Variants in PRKAA1 observed in about 807,000 individuals in gnomAD.
The protein encoded by PRKAA1 is protein kinase AMP-activated catalytic subunit alpha 1, also known as 5'-AMP-activated protein kinase catalytic subunit alpha-1.
PRKAA1 carries 23 observed loss-of-function variants against 56.9 expected under a neutral mutation model. The observed-to-expected ratio is 0.40, with a 90% CI of 0.29 to 0.57. The LOEUF (loss-of-function observed/expected upper bound fraction) is 0.57. Ranked by LOEUF, PRKAA1 falls within the 20% of genes least tolerant of loss-of-function variation. The pLI is 0.39. For missense variants in PRKAA1, 413 were observed against 679.7 expected, an observed-to-expected ratio of 0.61 and a Z score of 4.36; for synonymous variants, 226 against 227.0, an observed-to-expected ratio of 1.00 and a Z score of 0.04.
At chr5:40,789,958 C>G (rs879737819) in intron 1 of PRKAA1, 1 of 152,048 alleles carries the variant, frequency 6.6e-6, no homozygotes, top group Non-Finnish European at 1.5e-5. Context: ...GTAGGAATGG[C>G]CTTCATTGGT....
chr5:40,772,572 A>G (rs1192102415), intron 3 of PRKAA1, among the ~76,000 whole-genome samples: 1 of 151,762 alleles, frequency 6.6e-6, no homozygotes, highest in Non-Finnish European at 1.5e-5. Context: ...TAAAAAAAAA[A>G]TCTTACATAG....
chr5:40,786,565 A>G (rs1744494006), intron 1 of PRKAA1, among the ~76,000 whole-genome samples: 1 of 151,828 alleles, frequency 6.6e-6, no homozygotes, highest in Admixed American at 6.6e-5. Context: ...ACCACAGGCT[A>G]CATCAAGCAG....
chr5:40,792,777 C>T (rs1167220683), intron 1 of PRKAA1, among the ~76,000 whole-genome samples: 1 of 151,986 alleles, frequency 6.6e-6, no homozygotes, highest in African/African-American at 2.4e-5. Context: ...TACTTACGAA[C>T]TTAGGCCAAG....
intron 2 of PRKAA1, 111 bp from the exon 3 acceptor site, chr5:40,775,614 A>T: frequency 1.3e-6 from 1 of 763,094 alleles, no homozygotes; most frequent in East Asian, 2.8e-5. Flanking sequence ...GAGCTAGAAA[A>T]ACTGCAGGAA....
intron 6 of PRKAA1, among the ~76,000 whole-genome samples, chr5:40,765,796 G>A (rs1377047700): frequency 6.6e-6 from 1 of 152,014 alleles, no homozygotes; most frequent in Admixed American, 6.6e-5. Flanking sequence ...AAGACAGTAA[G>A]TGACAGAACC....
chr5:40,784,543 C>A (rs1170137525), intron 1 of PRKAA1, among the ~76,000 whole-genome samples: 1 of 152,114 alleles, frequency 6.6e-6, no homozygotes, highest in Non-Finnish European at 1.5e-5. Context: ...TGTTTGGTCA[C>A]AGAAGAACAC....
At chr5:40,771,021 A>C (rs182802413) in intron 4 of PRKAA1, among the ~76,000 whole-genome samples, 6 of 152,250 alleles carry the variant, frequency 3.9e-5, no homozygotes, top group African/African-American at 1.4e-4. Flanking sequence ...TTAAATAATT[A>C]AATTCACATA....
chr5:40,793,918 A>G (rs765108466), intron 1 of PRKAA1, among the ~76,000 whole-genome samples: 1 of 152,306 alleles, frequency 6.6e-6, no homozygotes, highest in East Asian at 1.9e-4. Context: ...CCTGGCCAAC[A>G]TGATGAAACC....
At chr5:40,790,538 T>TG (rs373477888) in intron 1 of PRKAA1, among the ~76,000 whole-genome samples, 342 of 145,460 alleles carry the variant, frequency 2.4e-3, no homozygotes, top group African/African-American at 8.6e-3. Flanking sequence ...TTTTTTTTTT[T>TG]TTGTTGTTGT....
intron 1 of PRKAA1, among the ~76,000 whole-genome samples, chr5:40,785,402 G>A (rs1027574592): frequency 1.6e-4 from 24 of 151,884 alleles, no homozygotes; most frequent in Admixed American, 1.4e-3. Context: ...ACCTCGCCCG[G>A]CTAATTTTTG....
At chr5:40,785,534 G>A (rs534600666) in intron 1 of PRKAA1, among the ~76,000 whole-genome samples, 1 of 151,694 alleles carries the variant, frequency 6.6e-6, no homozygotes, top group Non-Finnish European at 1.5e-5. Flanking sequence ...AACCAACCAC[G>A]CCCAGCCCAC....
At chr5:40,791,881 T>C (rs1744731806) in intron 1 of PRKAA1, among the ~76,000 whole-genome samples, 1 of 152,226 alleles carries the variant, frequency 6.6e-6, no homozygotes, top group Non-Finnish European at 1.5e-5. Context: ...GTAACCACTA[T>C]CCTGAATTTG....
At chr5:40,769,291 G>T (rs1743612767) in intron 5 of PRKAA1, 125 bp downstream of exon 5, 1 of 731,854 alleles carries the variant, frequency 1.4e-6, no homozygotes, top group Non-Finnish European at 2.2e-6. Flanking sequence ...ATATAAATGT[G>T]GTTAAGAATA....
At position 40,759,527 on chromosome 5, in the gene PRKAA1, T is replaced by C. The variant is rs1310035397; in HGVS notation, c.*3251A>G. 20 of 152,326 alleles carry C rather than the reference T, an allele frequency of 1.3e-4. No homozygotes were observed. The highest frequency in any genetic ancestry group is 1.3e-3 in the Admixed American group (20 of 15,290). 9.4% of individuals were successfully genotyped at this position (152,326 alleles called of 1,614,324 possible). A position where few individuals can be genotyped will look rare whatever the true frequency, so the allele number is the denominator to read the frequency against. On this transcript the variant is annotated 3_prime_UTR_variant, in exon 9 of 9. Coordinates refer to ENST00000397128, the MANE Select transcript of PRKAA1 (RefSeq NM_006251.6). ...ACCAACAATTTACAGTTATGTTGTA[T>C]GTGGAATTTCATTCTTGTCAGAACT...
intron 1 of PRKAA1, among the ~76,000 whole-genome samples, chr5:40,785,464 T>C (rs921187388): frequency 6.6e-6 from 1 of 151,938 alleles, no homozygotes; most frequent in Admixed American, 6.6e-5. Context: ...GGTCTTGAAC[T>C]CCTGACCGCA....
At chr5:40,779,721 AAT>A (rs1450073763) in intron 1 of PRKAA1, among the ~76,000 whole-genome samples, 6 of 152,158 alleles carry the variant, frequency 3.9e-5, no homozygotes, top group Admixed American at 6.5e-5. Flanking sequence ...CAAAAACTGC[AAT>A]AGAGTCACCC....
intron 6 of PRKAA1, 115 bp from the exon 7 acceptor site, chr5:40,765,353 A>G: frequency 8.0e-7 from 1 of 1,245,540 alleles, no homozygotes; most frequent in Non-Finnish European, 1.1e-6. Flanking sequence ...ATACTGTATT[A>G]TTGTCACTTT....
intron 1 of PRKAA1, among the ~76,000 whole-genome samples, chr5:40,795,008 T>C (rs152375): frequency 0.37 from 56,215 of 149,932 alleles, 11,056 homozygotes; most frequent in Admixed American, 0.47. Flanking sequence ...TACATATATA[T>C]ACACACACAC....
intron 1 of PRKAA1, among the ~76,000 whole-genome samples, chr5:40,797,403 A>C (rs75728011): frequency 0.054 from 8,251 of 152,344 alleles, 318 homozygotes; most frequent in Non-Finnish European, 0.075. Flanking sequence ...CTAAAGGCAC[A>C]GTCTCATTCA....
Sources: gnomAD v4.1 joint callset for allele counts (sites outside exome capture counted in the v4.1 genomes callset) on GRCh38, gnomAD v4.1.1 for gene constraint, MANE v1.5 for transcripts, NCBI Gene and HGNC (gene_info 2026-07-23, HGNC 2026-07-21) for gene names.